ARHGEF12: variants seen among roughly 807,000 people sequenced by gnomAD.
ARHGEF12 encodes the protein KMT2A/ARHGEF12 fusion protein.
ARHGEF12 carries 66 observed loss-of-function variants against 211.2 expected under a neutral mutation model. The ratio of observed to expected loss-of-function variants is 0.31; its 90% CI spans 0.26 to 0.38. ARHGEF12 has a LOEUF of 0.38. ARHGEF12 is among the 10% of genes least tolerant of loss of function. The pLI is 1.00. For synonymous variants in ARHGEF12, 592 were observed against 638.4 expected, an observed-to-expected ratio of 0.93 and a Z score of 1.09; for missense variants, 1,429 against 1,869.5, an observed-to-expected ratio of 0.76 and a Z score of 4.34.
intron 6 of ARHGEF12, among the ~76,000 whole-genome samples, chr11:120,422,937 A>C (rs1343168609): frequency 1.3e-5 from 2 of 152,212 alleles, no homozygotes; most frequent in Non-Finnish European, 2.9e-5. Flanking sequence ...TAATTGACTA[A>C]TTTGATTACT....
intron 1 of ARHGEF12, among the ~76,000 whole-genome samples, chr11:120,392,384 A>G (rs747440153): frequency 1.3e-5 from 2 of 152,056 alleles, no homozygotes; most frequent in East Asian, 1.9e-4. Context: ...CTTTGGTACA[A>G]TTATTTTTTT....
At chr11:120,418,866 C>T (rs949039519) in intron 4 of ARHGEF12, among the ~76,000 whole-genome samples, 4 of 151,936 alleles carry the variant, frequency 2.6e-5, no homozygotes, top group Admixed American at 1.3e-4. Context: ...TAACATTTGT[C>T]TTCCATTATT....
At position 120,336,646 on chromosome 11, in the gene ARHGEF12, G is replaced by A. The variant is rs1260682253; in HGVS notation, c.-598G>A. Reference sequence around the variant, plus strand: ...CGGGCCGCGGGACCTCTCCGCCGGCGCCAGCGGCTCGTCCCAGCACCGGGA... The same window carrying A: ...CGGGCCGCGGGACCTCTCCGCCGGCACCAGCGGCTCGTCCCAGCACCGGGA... On this transcript the variant is annotated 5_prime_UTR_variant, in exon 1 of 41. Transcript: ENST00000397843. 1.3e-5 allele frequency among the ~76,000 whole-genome samples: 2 copies of A among 152,042 alleles called. No individual in the cohort carries two copies. The highest frequency in any genetic ancestry group is 4.8e-5 in the African/African-American group (2 of 41,426).
At chr11:120,483,716 G>A (rs1947322557) in intron 39 of ARHGEF12, among the ~76,000 whole-genome samples, 2 of 152,096 alleles carry the variant, frequency 1.3e-5, no homozygotes, top group Non-Finnish European at 2.9e-5. Context: ...CCAGGTTCAC[G>A]CCATTCTCCT....
At chr11:120,349,900 ATTG>A (rs1345314590) in intron 1 of ARHGEF12, among the ~76,000 whole-genome samples, 2 of 152,140 alleles carry the variant, frequency 1.3e-5, no homozygotes, top group Non-Finnish European at 2.9e-5. Flanking sequence ...ATTTCAGGCT[ATTG>A]TTAGAATTAA....
intron 1 of ARHGEF12, among the ~76,000 whole-genome samples, chr11:120,392,217 C>T (rs747427608): frequency 2.0e-5 from 3 of 152,174 alleles, no homozygotes; most frequent in Non-Finnish European, 4.4e-5. Context: ...CTAGCTGTTT[C>T]CTTTACCTGT....
intron 37 of ARHGEF12, 95 bp from the exon 38 acceptor site, chr11:120,479,865 G>A (rs1947175194): frequency 5.1e-6 from 5 of 983,330 alleles, no homozygotes; most frequent in Non-Finnish European, 7.7e-6. Flanking sequence ...ACTTTTTAAA[G>A]ATAGATCATT....
chr11:120,429,540 G>A (rs1430418646), intron 9 of ARHGEF12, 23 bp downstream of exon 9: 5 of 1,608,672 alleles, frequency 3.1e-6, no homozygotes, highest in Non-Finnish European at 4.2e-6. Context: ...AAGTAGGGCT[G>A]TTTACAGGCC....
At chr11:120,347,183 C>CCTTCCTTTCTTTCTTCCTTTCTTTCTTT (rs1555090041) in intron 1 of ARHGEF12, among the ~76,000 whole-genome samples, 2 of 100,224 alleles carry the variant, frequency 2.0e-5, no homozygotes, top group African/African-American at 3.6e-5. Context: ...TTCCTTCCTT[C>CCTTCCTTTCTTTCTTCCTTTCTTTCTTT]CTTTCTTTCT....
Position 120,440,180 on chromosome 11 carries a change from A to G in ARHGEF12, c.1051A>G (p.Ile351Val), listed in dbSNP as rs778592099. The change falls in exon 13 of 41, where the codon ATT becomes GTT. Residue 351 changes from isoleucine (I) to valine (V), a missense_variant. Coordinates refer to ENST00000397843, the MANE Select transcript of ARHGEF12 (RefSeq NM_015313.3). Reference sequence around the variant, plus strand: ...CTCAACCCGTATAGCACCTCATATTATTGGAGCAGAAGATGATGATTTTGG... The same window carrying G: ...CTCAACCCGTATAGCACCTCATATTGTTGGAGCAGAAGATGATGATTTTGG... ...SPSTRIAPHI[I>V]GAEDDDFGTE... The G allele has an allele frequency of 3.7e-6, 6 of 1,613,742 alleles. No individual in the cohort carries two copies. The African/African-American group carries it at 5.3e-5, about 14-fold the overall frequency.
Position 120,424,355 on chromosome 11 carries a change from C to T in ARHGEF12, c.349-3C>T. 1 of 1,611,376 alleles carries T rather than the reference C, an allele frequency of 6.2e-7. No individual in the cohort carries two copies. Among genetic ancestry groups the T allele is most frequent in the South Asian group, 1.1e-5 (1 of 90,502 alleles). On this transcript the variant is annotated splice_region_variant and splice_polypyrimidine_tract_variant and intron_variant, in intron 6 of 40. Coordinates refer to ENST00000397843, the MANE Select transcript of ARHGEF12 (RefSeq NM_015313.3). ...GACATACACTACTTTCGTTTTCTTA[C>T]AGGTGAATGGAACTCTGGTGACTCA...
chr11:120,407,646 G>T (rs144742434), intron 2 of ARHGEF12, 92 bp from the exon 3 acceptor site: 4 of 919,668 alleles, frequency 4.3e-6, no homozygotes, highest in East Asian at 5.1e-5. Context: ...TGATTTCCTG[G>T]TTTTTCTTGT....
chr11:120,372,444 A>T (rs1230709379), intron 1 of ARHGEF12, among the ~76,000 whole-genome samples: 1 of 152,126 alleles, frequency 6.6e-6, no homozygotes, highest in Non-Finnish European at 1.5e-5. Flanking sequence ...ACCCTGTCAT[A>T]TACTGGCCCA....
At chr11:120,478,631 A>C (rs1168578916) in intron 37 of ARHGEF12, among the ~76,000 whole-genome samples, 2 of 152,192 alleles carry the variant, frequency 1.3e-5, no homozygotes, top group East Asian at 3.8e-4. Flanking sequence ...TCTCAGTTGT[A>C]TTGAGGTGGG....
chr11:120,383,117 C>T (rs984700148), intron 1 of ARHGEF12, among the ~76,000 whole-genome samples: 10 of 151,724 alleles, frequency 6.6e-5, no homozygotes, highest in African/African-American at 9.7e-5. Context: ...CCAGCCTGGG[C>T]GACAGAGCCA....
chr11:120,346,926 T>G (rs1444250312), intron 1 of ARHGEF12, among the ~76,000 whole-genome samples: 1 of 152,184 alleles, frequency 6.6e-6, no homozygotes, highest in African/African-American at 2.4e-5. Context: ...TCTGAACGTG[T>G]GACTTCTCAT....
intron 1 of ARHGEF12, among the ~76,000 whole-genome samples, chr11:120,389,122 C>T (rs538915468): frequency 6.6e-6 from 1 of 152,254 alleles, no homozygotes; most frequent in African/African-American, 2.4e-5. Context: ...CTGCCTGCCT[C>T]AGCCTCCCAA....
chr11:120,395,622 T>C (rs1457930124), intron 1 of ARHGEF12, among the ~76,000 whole-genome samples: 1 of 152,174 alleles, frequency 6.6e-6, no homozygotes, highest in Non-Finnish European at 1.5e-5. Flanking sequence ...CTCACAATCA[T>C]GGCAGAAGGC....
intron 1 of ARHGEF12, among the ~76,000 whole-genome samples, chr11:120,372,103 A>T (rs117498381): frequency 0.019 from 2,967 of 152,374 alleles, 46 homozygotes; most frequent in Non-Finnish European, 0.03. Flanking sequence ...GTGTTAACAC[A>T]TATGAACTTT....
Sources: gnomAD v4.1 joint callset for allele counts (sites outside exome capture counted in the v4.1 genomes callset) on GRCh38, gnomAD v4.1.1 for gene constraint, MANE v1.5 for transcripts, NCBI Gene and HGNC (gene_info 2026-07-23, HGNC 2026-07-21) for gene names.